The following KLC2 variants were observed in gnomAD, a reference collection of about 807,000 sequenced individuals.
KLC2 encodes kinesin light chain 2, also known as KLC 2.
Under a neutral mutation model 75.1 loss-of-function variants are expected in KLC2, and 35 were observed. That is an observed-to-expected ratio of 0.47 (90% CI 0.36 to 0.62). KLC2 has a LOEUF of 0.62. Among genes scored for constraint, KLC2 ranks in the 20% least tolerant of loss-of-function variants. The pLI is 0.00. For synonymous variants in KLC2, 314 were observed against 336.7 expected (o/e 0.93, Z 0.74); for missense variants, 611 against 833.2 (o/e 0.73, Z 3.28).
chr11:66,253,896 A>G (rs1855983120), upstream of KLC2, among the ~76,000 whole-genome samples: 1 of 152,242 alleles, frequency 6.6e-6, no homozygotes, highest in East Asian at 1.9e-4. Context: ...GAACCTGCAC[A>G]AGTCACAAAG....
At position 66,266,117 on chromosome 11, in the gene KLC2, AG is replaced by A; in HGVS notation, c.1628del (p.Ser543ThrfsTer11). ...GGATGGCAGTGGCTCCTTGAGGCGCAGCGGTTCCTTTGGGAAACTCCGGGAT... is the reference window on the plus strand; with the variant it reads ...GGATGGCAGTGGCTCCTTGAGGCGCACGGTTCCTTTGGGAAACTCCGGGAT... Reference protein sequence around the residue: ...NGDGSGSLRRSGSFGKLRDAL... With the variant: ...NGDGSGSLRRXGSFGKLRDAL... On this transcript the variant is annotated frameshift_variant, in exon 14 of 16. Coordinates refer to ENST00000394067, the MANE Select transcript of KLC2 (RefSeq NM_001318734.2). LOFTEE classifies it high-confidence loss of function. The A allele has an allele frequency of 6.2e-7, 1 of 1,614,026 alleles. No individual in the cohort carries two copies.
Position 66,267,293 on chromosome 11 carries a change from G to A in KLC2, c.*337G>A, listed in dbSNP as rs1463036011. The stretch of plus-strand genomic sequence containing the variant: ...AACACTAAGCACTCGCCGGCCCTTC[G>A]GCACCCTCGCCCTCCCTCCCGACTC... On this transcript the variant is annotated 3_prime_UTR_variant, in exon 16 of 16. Coordinates refer to ENST00000394067, the MANE Select transcript of KLC2 (RefSeq NM_001318734.2). The A allele has an allele frequency of 4.9e-6, 5 of 1,026,486 alleles. No individual in the cohort carries two copies. In the Admixed American group the frequency reaches 6.0e-5, roughly 12 times the overall value. 63.6% of individuals were successfully genotyped at this position (1,026,486 alleles called of 1,614,324 possible).
chr11:66,259,998 C>T (rs114915066), intron 2 of KLC2, among the ~76,000 whole-genome samples: 2,007 of 152,218 alleles, frequency 0.013, 37 homozygotes, highest in African/African-American at 0.045. Context: ...TGGAGATGTC[C>T]AGGAGCCATT....
chr11:66,262,209 C>T lies in KLC2; in HGVS notation c.529+17C>T. 6.2e-7 allele frequency: 1 copy of T among 1,606,674 alleles called. No individual in the cohort carries two copies. The highest frequency in any genetic ancestry group is 8.5e-7 in the Non-Finnish European group (1 of 1,173,908). On this transcript the variant is annotated intron_variant, in intron 4 of 15. Coordinates refer to ENST00000394067, the MANE Select transcript of KLC2 (RefSeq NM_001318734.2). ...AGAGCCCAGGTGCGGATGGGCAGTT[C>T]TGGAGTGGGGGAAGGAAAGGTTGTG...
At chr11:66,266,388 G>T in intron 14 of KLC2, 45 bp from the exon 15 acceptor site, 2 of 1,313,920 alleles carry the variant, frequency 1.5e-6, no homozygotes, top group Non-Finnish European at 2.1e-6. Context: ...CCCATCTCCC[G>T]TGAGTTCCTC....
chr11:66,267,063 T>G lies in KLC2; in HGVS notation c.*107T>G, dbSNP rs1015792651. 6.4e-7 allele frequency: 1 copy of G among 1,565,866 alleles called. No individual in the cohort carries two copies. Among genetic ancestry groups the G allele is most frequent in the Non-Finnish European group, 8.6e-7 (1 of 1,156,978 alleles). On this transcript the variant is annotated 3_prime_UTR_variant, in exon 16 of 16. Transcript: ENST00000394067. The stretch of plus-strand genomic sequence containing the variant: ...TCCCGCCTGTCTCTCCCACAGCCCC[T>G]GTCTTTTCTGTTCAATCTCAGGGTA...
chr11:66,254,331 C>T (rs140300097), upstream of KLC2, among the ~76,000 whole-genome samples: 13 of 151,852 alleles, frequency 8.6e-5, no homozygotes, highest in Admixed American at 6.6e-4. Context: ...ACAGCACTTT[C>T]AATCCAGGGC....
At position 66,267,234 on chromosome 11, in the gene KLC2, C is replaced by T. The variant is rs1856897855; in HGVS notation, c.*278C>T. 3 of 1,508,346 alleles carry T rather than the reference C, an allele frequency of 2.0e-6. No individual in the cohort carries two copies. Among genetic ancestry groups the T allele is most frequent in the South Asian group, 1.2e-5 (1 of 83,216 alleles). 93.4% of individuals were successfully genotyped at this position (1,508,346 alleles called of 1,614,324 possible). ...CCGGCTGGAGTCTCCACCATAGACT[C>T]AGTGGCCTGGCCTCCCCAGACCCCA... On this transcript the variant is annotated 3_prime_UTR_variant, in exon 16 of 16. Coordinates refer to ENST00000394067, the MANE Select transcript of KLC2 (RefSeq NM_001318734.2).
chr11:66,267,641 A>G lies in KLC2; in HGVS notation c.*685A>G, dbSNP rs764857588. On this transcript the variant is annotated 3_prime_UTR_variant, in exon 16 of 16. Transcript: ENST00000394067. Reference sequence around the variant, plus strand: ...GGGCCCTGCCCCGCATCCCGGCCTTATGCACTGCCCCTCCCACCCGGCCCC... The same window carrying G: ...GGGCCCTGCCCCGCATCCCGGCCTTGTGCACTGCCCCTCCCACCCGGCCCC... 1.7e-6 allele frequency: 1 copy of G among 584,782 alleles called. No individual in the cohort carries two copies. The highest frequency in any genetic ancestry group is 2.0e-5 in the South Asian group (1 of 49,120). The allele number at this position is 584,782 out of a possible 1,614,324, so 36.2% of individuals were successfully genotyped here.
rs769159296 is a variant in KLC2, at chr11:66,265,231, G to A, written c.1330G>A (p.Asp444Asn). ...YGSWYKACKV[D>N]SPTVNTTLRS... The stretch of plus-strand genomic sequence containing the variant: ...CAGCTGGTACAAGGCCTGTAAAGTA[G>A]ACAGGTGAGTGGGGCGGGGCTGGGC... The change falls in exon 11 of 16, where the codon GAC (aspartate) becomes AAC (asparagine). Residue 444 changes from aspartate to asparagine, a missense_variant. Coordinates refer to ENST00000394067, the MANE Select transcript of KLC2 (RefSeq NM_001318734.2). 4 of 1,182,456 alleles carry A rather than the reference G, an allele frequency of 3.4e-6. No homozygotes were observed. Among genetic ancestry groups the A allele is most frequent in the Non-Finnish European group, 5.0e-6 (4 of 805,140 alleles). The allele number at this position is 1,182,456 out of a possible 1,614,324, so 73.2% of individuals were successfully genotyped here. A position where few individuals can be genotyped will look rare whatever the true frequency, so the allele number is the denominator to read the frequency against.
Position 66,263,670 on chromosome 11 carries a change from A to G in KLC2, c.763A>G (p.Lys255Glu). 1.2e-6 allele frequency: 2 copies of G among 1,613,428 alleles called. No individual in the cohort carries two copies. Among genetic ancestry groups the G allele is most frequent in the Non-Finnish European group, 1.7e-6 (2 of 1,179,436 alleles). ...CCTACCTGCTCCCAGGGATCAGAAC[A>G]AGTACAAGGAGGCTGCCCACCTGCT... ...ILALVYRDQN[K>E]YKEAAHLLND... The change falls in exon 6 of 16, where the codon AAG becomes GAG. Residue 255 changes from lysine to glutamate, a missense_variant. Transcript: ENST00000394067.
At chr11:66,262,778 G>C (rs754426397) in intron 4 of KLC2, 36 bp from the exon 5 acceptor site, 14 of 1,514,604 alleles carry the variant, frequency 9.2e-6, no homozygotes, top group Admixed American at 1.7e-5. Flanking sequence ...CCAGTGGGCA[G>C]ATGGTACATC....
chr11:66,252,499 G>A (rs548765396), upstream of KLC2, among the ~76,000 whole-genome samples: 13 of 110,794 alleles, frequency 1.2e-4, no homozygotes, highest in East Asian at 2.2e-3. Context: ...TCCTGACCTC[G>A]TGATCCCCCC....
chr11:66,265,914 C>A lies in KLC2; in HGVS notation c.1504C>A (p.Arg502=). Residue 502 remains arginine (R), a synonymous_variant, in exon 13 of 16, where the codon CGG becomes AGG. Coordinates refer to ENST00000394067, the MANE Select transcript of KLC2 (RefSeq NM_001318734.2). ...VELLKDGSGR[R]GDRRSSRDMA... is the part of the protein sequence containing the mutation. ...ACTGCTGAAAGATGGCAGTGGCAGG[C>A]GGGGAGACCGCCGCAGCAGCCGAGA... The A allele has an allele frequency of 6.3e-7, 1 of 1,581,444 alleles. No homozygotes were observed. Among genetic ancestry groups the A allele is most frequent in the South Asian group, 1.2e-5 (1 of 86,522 alleles).
At chr11:66,253,836 C>T (rs998961316), upstream of KLC2, among the ~76,000 whole-genome samples, 1 of 152,224 alleles carries the variant, frequency 6.6e-6, no homozygotes, top group Non-Finnish European at 1.5e-5. Context: ...AGGAGAATCC[C>T]AAAGGAACCA....
At chr11:66,253,937 G>A (rs549568536), upstream of KLC2, among the ~76,000 whole-genome samples, 63 of 152,324 alleles carry the variant, frequency 4.1e-4, no homozygotes, top group Admixed American at 1.4e-3. Context: ...TCCATTTACC[G>A]GGAAAAAGGT....
At chr11:66,256,238 T>C (rs1856031185), upstream of KLC2, among the ~76,000 whole-genome samples, 1 of 149,904 alleles carries the variant, frequency 6.7e-6, no homozygotes, top group Non-Finnish European at 1.5e-5. Flanking sequence ...GAAAATAAAT[T>C]GGAAAAAAAA....
intron 11 of KLC2, 64 bp downstream of exon 11, chr11:66,265,299 C>A: frequency 7.1e-7 from 1 of 1,410,156 alleles, no homozygotes; most frequent in South Asian, 1.2e-5. Context: ...ATTCCATACT[C>A]TCACCCCCAA....
rs146812832 is a variant in KLC2, at chr11:66,262,188, C to A, written c.525C>A (p.Ser175Arg). 5.6e-6 allele frequency: 9 copies of A among 1,612,848 alleles called. No individual in the cohort carries two copies. In the African/African-American group the frequency reaches 1.1e-4, roughly 19 times the overall value. Reference protein sequence around the residue: ...DDLFPNEDEQSPAPSPGGGDV... With the variant: ...DDLFPNEDEQRPAPSPGGGDV... The stretch of plus-strand genomic sequence containing the variant: ...TGTTCCCCAATGAGGATGAGCAGAG[C>A]CCAGGTGCGGATGGGCAGTTCTGGA... Residue 175 changes from serine (S) to arginine (R), a missense_variant, in exon 4 of 16, where the codon AGC becomes AGA. Physicochemically the swap from Ser to Arg is moderately radical, Grantham distance 110. Transcript: ENST00000394067.
Sources: gnomAD v4.1 joint callset for allele counts (sites outside exome capture counted in the v4.1 genomes callset) on GRCh38, gnomAD v4.1.1 for gene constraint, MANE v1.5 for transcripts, NCBI Gene and HGNC (gene_info 2026-07-23, HGNC 2026-07-21) for gene names.